Variants in HTR1F observed in about 807,000 individuals in gnomAD.
The protein encoded by HTR1F is 5-hydroxytryptamine (serotonin) receptor 1F, G protein-coupled.
A neutral mutation model predicts 24.0 loss-of-function variants in HTR1F; 17 were observed. The ratio of observed to expected loss-of-function variants is 0.71; its 90% CI spans 0.48 to 1.06. HTR1F has a LOEUF of 1.06. Among genes scored for constraint, HTR1F ranks in the 50% least tolerant of loss-of-function variants. The pLI is 0.00. For synonymous variants in HTR1F, 186 were observed against 156.8 expected (o/e 1.19, Z -1.39); for missense variants, 391 against 427.8 (o/e 0.91, Z 0.76).
At chr3:87,925,307 A>T (rs1975094) in intron 2 of HTR1F, among the ~76,000 whole-genome samples, 66,571 of 151,886 alleles carry the variant, frequency 0.44, 15,584 homozygotes, top group African/African-American at 0.61. Flanking sequence ...ACAACAGCTT[A>T]TCTGGTTGTG....
chr3:87,940,411 G>T (rs1276666911), intron 2 of HTR1F, among the ~76,000 whole-genome samples: 1 of 152,110 alleles, frequency 6.6e-6, no homozygotes, highest in Non-Finnish European at 1.5e-5. Context: ...TTGCTAAAAA[G>T]AGAATAAAAT....
chr3:87,803,195 T>C (rs767048216), intron 1 of HTR1F, among the ~76,000 whole-genome samples: 1 of 152,188 alleles, frequency 6.6e-6, no homozygotes, highest in African/African-American at 2.4e-5. Context: ...TCAGCCACCA[T>C]CAATTTTATA....
intron 2 of HTR1F, among the ~76,000 whole-genome samples, chr3:87,882,850 TATA>T (rs1447114681): frequency 2.0e-5 from 3 of 151,820 alleles, no homozygotes; most frequent in Non-Finnish European, 4.4e-5. Flanking sequence ...AAACTTAAAG[TATA>T]ATAATAAAAA....
At chr3:87,971,715 A>G (rs1705289929) in intron 2 of HTR1F, among the ~76,000 whole-genome samples, 1 of 152,242 alleles carries the variant, frequency 6.6e-6, no homozygotes, top group African/African-American at 2.4e-5. Flanking sequence ...TATTCCATAT[A>G]CAAATAAGCA....
intron 2 of HTR1F, among the ~76,000 whole-genome samples, chr3:87,944,400 G>A (rs1054563332): frequency 7.2e-5 from 11 of 152,176 alleles, no homozygotes; most frequent in Non-Finnish European, 1.3e-4. Flanking sequence ...CACTTTTGAG[G>A]AGACCAATTA....
chr3:87,835,958 G>C (rs920546687), intron 2 of HTR1F, among the ~76,000 whole-genome samples: 2 of 152,102 alleles, frequency 1.3e-5, no homozygotes, highest in Admixed American at 6.5e-5. Flanking sequence ...ACCCTAACTT[G>C]ATAATTTTAT....
chr3:87,800,521 A>C (rs1210988374), intron 1 of HTR1F, among the ~76,000 whole-genome samples: 1 of 152,214 alleles, frequency 6.6e-6, no homozygotes, highest in African/African-American at 2.4e-5. Context: ...AAATATCCAT[A>C]GTGCATTCAC....
chr3:87,823,039 T>G (rs1224276748), intron 2 of HTR1F, among the ~76,000 whole-genome samples: 1 of 152,214 alleles, frequency 6.6e-6, no homozygotes, highest in Non-Finnish European at 1.5e-5. Context: ...ATGCACATTA[T>G]TATTTAGAAG....
intron 2 of HTR1F, among the ~76,000 whole-genome samples, chr3:87,870,818 A>G (rs1428446253): frequency 6.6e-6 from 1 of 152,062 alleles, no homozygotes; most frequent in Non-Finnish European, 1.5e-5. Context: ...CCAAACATAC[A>G]TCTCTAATTG....
chr3:87,881,366 C>G (rs1024104556), intron 2 of HTR1F, among the ~76,000 whole-genome samples: 2 of 152,168 alleles, frequency 1.3e-5, no homozygotes, highest in African/African-American at 2.4e-5. Flanking sequence ...AAGGCAGCAG[C>G]CTGGCTGGCG....
intron 2 of HTR1F, among the ~76,000 whole-genome samples, chr3:87,959,990 C>T (rs1158345371): frequency 3.3e-5 from 5 of 151,918 alleles, no homozygotes; most frequent in African/African-American, 1.2e-4. Context: ...TAAATAGTAA[C>T]ATTATTTCTT....
At chr3:87,898,969 C>T (rs538956107) in intron 2 of HTR1F, among the ~76,000 whole-genome samples, 3 of 152,104 alleles carry the variant, frequency 2.0e-5, no homozygotes, top group Non-Finnish European at 4.4e-5. Flanking sequence ...AATCTATTTC[C>T]TTTTTTGTTC....
At chr3:87,937,517 T>A (rs1263607572) in intron 2 of HTR1F, among the ~76,000 whole-genome samples, 2 of 152,098 alleles carry the variant, frequency 1.3e-5, no homozygotes, top group Non-Finnish European at 2.9e-5. Flanking sequence ...TCATACCAAA[T>A]GGGCAAAAGC....
rs79466718 is a variant in HTR1F, at chr3:87,834,447, T to C, written c.-43+12323T>C. Among the ~76,000 whole-genome samples the C allele has an allele frequency of 7.3e-4, 110 of 151,430 alleles. No homozygotes were observed. In the South Asian group the frequency reaches 0.012, roughly 16 times the overall value. ...GGAAAGACTTAGTTCTTTTTTTTTT[T>C]CCCAAGCTATTTCCCATTAGTCTGT... On this transcript the variant is annotated intron_variant, in intron 2 of 2. Coordinates refer to ENST00000319595, the MANE Select transcript of HTR1F (RefSeq NM_001322209.2).
At chr3:87,829,419 A>G (rs1386079229) in intron 2 of HTR1F, among the ~76,000 whole-genome samples, 1 of 152,258 alleles carries the variant, frequency 6.6e-6, no homozygotes. Context: ...GTGCCTAAAA[A>G]GCTGTGATCT....
At chr3:87,848,424 A>T (rs1246851329) in intron 2 of HTR1F, among the ~76,000 whole-genome samples, 1 of 151,750 alleles carries the variant, frequency 6.6e-6, no homozygotes, top group Non-Finnish European at 1.5e-5. Context: ...TCCATGCGGA[A>T]CAAGTAATTT....
At chr3:87,805,494 T>TATTTTAAAATTG (rs1052245537) in intron 1 of HTR1F, among the ~76,000 whole-genome samples, 2 of 152,096 alleles carry the variant, frequency 1.3e-5, no homozygotes, top group African/African-American at 4.8e-5. Flanking sequence ...ATCTTTTTTT[T>TATTTTAAAATTG]ATTTTAAAAT....
At chr3:87,864,192 C>T (rs1027256534) in intron 2 of HTR1F, among the ~76,000 whole-genome samples, 1 of 152,142 alleles carries the variant, frequency 6.6e-6, no homozygotes, top group Non-Finnish European at 1.5e-5. Context: ...TTCCTTAATT[C>T]CATTTTTTCA....
At chr3:87,967,743 T>A (rs1011375307) in intron 2 of HTR1F, among the ~76,000 whole-genome samples, 4 of 152,206 alleles carry the variant, frequency 2.6e-5, no homozygotes, top group Non-Finnish European at 5.9e-5. Context: ...CATGATTGAG[T>A]GGCCTCCCAA....
Sources: allele counts gnomAD v4.1 joint callset (sites outside exome capture counted in the v4.1 genomes callset), GRCh38; gene constraint gnomAD v4.1.1; transcripts MANE v1.5; gene names NCBI Gene and HGNC (gene_info 2026-07-23, HGNC 2026-07-21).